The following ZFYVE26 variants were observed in gnomAD, a reference collection of about 807,000 sequenced individuals.
The protein encoded by ZFYVE26 is zinc finger FYVE domain-containing protein 26.
A neutral mutation model predicts 276.5 loss-of-function variants in ZFYVE26; 181 were observed. The ratio of observed to expected loss-of-function variants is 0.65; its 90% CI spans 0.58 to 0.74. The LOEUF (loss-of-function observed/expected upper bound fraction) is 0.74, where lower values mean the gene tolerates loss of function less well. ZFYVE26 is among the 30% of genes least tolerant of loss of function. ZFYVE26 has a pLI of 0.00. For missense variants in ZFYVE26, 2,821 were observed against 3,097.9 expected (o/e 0.91, Z 2.12); for synonymous variants, 1,129 against 1,203.1 (o/e 0.94, Z 1.27).
At chr14:67,736,410 T>C (rs1025605442) in intron 13 of ZFYVE26, among the ~76,000 whole-genome samples, 1 of 152,200 alleles carries the variant, frequency 6.6e-6, no homozygotes, top group African/African-American at 2.4e-5. Context: ...CAGAAAAACA[T>C]AGACAATGTC....
intron 10 of ZFYVE26, among the ~76,000 whole-genome samples, chr14:67,800,271 C>T (rs2040049629): frequency 1.3e-5 from 2 of 152,066 alleles, no homozygotes; most frequent in South Asian, 2.1e-4. Flanking sequence ...AAGGGGAAAA[C>T]AATAGCCCTG....
chr14:67,775,221 C>T, intron 26 of ZFYVE26, 107 bp from the exon 27 acceptor site: 1 of 730,604 alleles, frequency 1.4e-6, no homozygotes. Flanking sequence ...GATTGTCATT[C>T]CATGACTCTA....
intron 35 of ZFYVE26, chr14:67,760,654 G>C (rs1210570327): frequency 6.5e-6 from 1 of 154,368 alleles, no homozygotes; most frequent in Non-Finnish European, 1.4e-5. Flanking sequence ...CTTGAGCCTA[G>C]GAGGTCAAGG....
intron 9 of ZFYVE26, among the ~76,000 whole-genome samples, chr14:67,803,064 G>C (rs1443624826): frequency 1.3e-5 from 2 of 152,054 alleles, no homozygotes; most frequent in African/African-American, 4.8e-5. Context: ...TTAAAAATAG[G>C]GTAAAACTAT....
intron 40 of ZFYVE26, among the ~76,000 whole-genome samples, chr14:67,751,733 C>A (rs979164464): frequency 4.0e-5 from 6 of 151,876 alleles, no homozygotes; most frequent in Admixed American, 3.9e-4. Flanking sequence ...ATTAGCCGGG[C>A]GTGGTGGTGG....
rs1183349899 is a variant in ZFYVE26 at position 67,809,256 on chromosome 14, C to G, written c.307G>C (p.Glu103Gln). ...LLPVVFRRKL[E>Q]FLLLSEDLQG... ...AGGTCTTCTGACAATAAAAGAAACTCAAGCTTTCTCCGGAAAACAACTGGG... is the reference window on the plus strand; with the variant it reads ...AGGTCTTCTGACAATAAAAGAAACTGAAGCTTTCTCCGGAAAACAACTGGG... The change falls in exon 4 of 42, where the codon GAG becomes CAG. Residue 103 changes from glutamate to glutamine, a missense_variant. By Grantham distance (29) the Glu-to-Gln change is conservative. Transcript: ENST00000347230. The G allele has an allele frequency of 1.2e-6, 2 of 1,614,042 alleles. No homozygotes were observed. Among genetic ancestry groups the G allele is most frequent in the Admixed American group, 3.3e-5 (2 of 60,010 alleles).
In ZFYVE26 at chr14:67,776,234, C is replaced by T. The variant is rs895867917; in HGVS notation, c.4975-128G>A. 6 of 1,344,846 alleles carry T rather than the reference C, an allele frequency of 4.5e-6. No individual in the cohort carries two copies. In the African/African-American group the frequency reaches 8.7e-5, roughly 19 times the overall value. The allele number at this position is 1,344,846 out of a possible 1,614,324, so 83.3% of individuals were successfully genotyped here. A position where few individuals can be genotyped will look rare whatever the true frequency, so the allele number is the denominator to read the frequency against. ...GTGCATAGCCAGCTACTGAAACAGA[C>T]TCGCAGTCTTTTAGGAAGGCTGAGC... is the stretch of plus-strand genomic sequence containing the variant. On this transcript the variant is annotated intron_variant, in intron 25 of 41. Coordinates refer to ENST00000347230, the MANE Select transcript of ZFYVE26 (RefSeq NM_015346.4).
In ZFYVE26 at chr14:67,729,229, G is replaced by C. The variant is rs140257538; in HGVS notation, n.3270C>G. 1.2e-5 allele frequency: 20 copies of C among 1,611,352 alleles called. No individual in the cohort carries two copies. Among genetic ancestry groups the C allele is most frequent in the African/African-American group, 4.0e-5 (3 of 74,904 alleles). On this transcript the variant is annotated non_coding_transcript_exon_variant, in exon 14 of 15. Coordinates refer to the ZFYVE26 transcript ENST00000394455. ...CACCTACGCAGTGCACCCAGGCGTCGTCCGCTCTGAGCTGGTCCGGCACTC... is the reference window on the plus strand; with the variant it reads ...CACCTACGCAGTGCACCCAGGCGTCCTCCGCTCTGAGCTGGTCCGGCACTC...
chr14:67,756,341 A>C (rs1415200504), intron 35 of ZFYVE26, 196 bp from the exon 36 acceptor site: 2 of 654,128 alleles, frequency 3.1e-6, no homozygotes, highest in African/African-American at 1.8e-5. Flanking sequence ...CCTTTTACAG[A>C]GAAGCCCCTA....
At chr14:67,816,176 T>A in intron 1 of ZFYVE26, 130 bp from the exon 2 acceptor site, 1 of 545,640 alleles carries the variant, frequency 1.8e-6, no homozygotes, top group Non-Finnish European at 3.2e-6. Context: ...ATTTCCCACG[T>A]TACTTTTTGA....
At chr14:67,799,265 T>C (rs1039751389) in intron 10 of ZFYVE26, 1 of 1,612,956 alleles carries the variant, frequency 6.2e-7, no homozygotes, top group African/African-American at 1.3e-5. Flanking sequence ...GATCATGGAG[T>C]CTGTGCTTTG....
At chr14:67,810,397 A>T (rs2040275763) in intron 3 of ZFYVE26, among the ~76,000 whole-genome samples, 1 of 152,210 alleles carries the variant, frequency 6.6e-6, no homozygotes, top group Non-Finnish European at 1.5e-5. Context: ...TTTATTAAAC[A>T]CTTATTATAT....
In ZFYVE26 at chr14:67,793,723, A is replaced by G. The variant is rs1469897898; in HGVS notation, c.2438T>C (p.Leu813Pro). 1 of 1,613,948 alleles carries G rather than the reference A, an allele frequency of 6.2e-7. No individual in the cohort carries two copies. The highest frequency in any genetic ancestry group is 2.2e-5 in the East Asian group (1 of 44,866). Residue 813 changes from leucine to proline, a missense_variant, in exon 14 of 42, where the codon CTG becomes CCG. Physicochemically the swap from Leu to Pro is moderately conservative, Grantham distance 98. Coordinates refer to ENST00000347230, the MANE Select transcript of ZFYVE26 (RefSeq NM_015346.4). ...SLSAMSGRNE[L>P]HSRLHPHPQS... Reference sequence around the variant, plus strand: ...AGGATGGGGGTGCAATCTACTGTGCAGCTCATTCCGGCCAGACATGGCACT... The same window carrying G: ...AGGATGGGGGTGCAATCTACTGTGCGGCTCATTCCGGCCAGACATGGCACT...
intron 13 of ZFYVE26, among the ~76,000 whole-genome samples, chr14:67,741,180 CA>C (rs768668035): frequency 2.0e-5 from 3 of 152,220 alleles, no homozygotes; most frequent in Non-Finnish European, 4.4e-5. Flanking sequence ...TGCACACCTT[CA>C]AAGCCTTTGA....
chr14:67,789,724 T>C, intron 15 of ZFYVE26, 126 bp from the exon 16 acceptor site: 2 of 1,242,482 alleles, frequency 1.6e-6, no homozygotes, highest in South Asian at 1.3e-5. Flanking sequence ...TTCATGTATA[T>C]TAGCACTATC....
rs1566873225 is a variant in ZFYVE26, at chr14:67,769,451, G to A, written c.5621+143C>T. On this transcript the variant is annotated intron_variant, in intron 29 of 41. Transcript: ENST00000347230. ...CCAAAGTCAGTGTACAAACCCTTCA[G>A]TGTAGAGTTAATGGCATTTCAGTGT... 3 of 1,262,348 alleles carry A rather than the reference G, an allele frequency of 2.4e-6. No individual in the cohort carries two copies. In the East Asian group the frequency reaches 7.2e-5, roughly 30 times the overall value. The allele number at this position is 1,262,348 out of a possible 1,614,324, so 78.2% of individuals were successfully genotyped here. A position where few individuals can be genotyped will look rare whatever the true frequency, so the allele number is the denominator to read the frequency against.
rs376809278 is a variant in ZFYVE26, at chr14:67,778,137, T to G, written c.4786A>C (p.Lys1596Gln). Reference protein sequence around the residue: ...LHLLERRDHDKALQLLRRIPD... With the variant: ...LHLLERRDHDQALQLLRRIPD... ...AACTGGGGGCTTACTTGCAGAGCCT[T>G]GTCATGATCTCTTCTTTCTAGAAGG... The change falls in exon 24 of 42, where the codon AAG becomes CAG. Residue 1596 changes from lysine (K) to glutamine (Q), a missense_variant. By Grantham distance (53) the Lys-to-Gln change is moderately conservative. Coordinates refer to ENST00000347230, the MANE Select transcript of ZFYVE26 (RefSeq NM_015346.4). 6.8e-6 allele frequency: 11 copies of G among 1,614,062 alleles called. No homozygotes were observed. Among genetic ancestry groups the G allele is most frequent in the East Asian group, 2.2e-5 (1 of 44,900 alleles).
intron 36 of ZFYVE26, among the ~76,000 whole-genome samples, chr14:67,755,746 G>T (rs2038762344): frequency 1.3e-5 from 2 of 151,972 alleles, no homozygotes; most frequent in African/African-American, 4.8e-5. Context: ...TTTATTGACA[G>T]GATTAAAGTC....
At chr14:67,794,045 T>C (rs2140238293) in intron 13 of ZFYVE26, 126 bp downstream of exon 13, 2 of 1,075,518 alleles carry the variant, frequency 1.9e-6, no homozygotes, top group East Asian at 4.7e-5. Flanking sequence ...CCAGCTAAAA[T>C]CTGGCCATCT....
Sources: allele counts gnomAD v4.1 joint callset (sites outside exome capture counted in the v4.1 genomes callset), GRCh38; gene constraint gnomAD v4.1.1; transcripts MANE v1.5; gene names NCBI Gene and HGNC (gene_info 2026-07-23, HGNC 2026-07-21).